Variants in DCAF13 observed in about 807,000 individuals in gnomAD.
DCAF13 encodes the protein DDB1- and CUL4-associated factor 13.
A neutral mutation model predicts 59.0 loss-of-function variants in DCAF13; 38 were observed. The ratio of observed to expected loss-of-function variants is 0.64; its 90% CI spans 0.50 to 0.84. The LOEUF is 0.84. DCAF13 is among the 40% of genes least tolerant of loss of function. The pLI is 0.00. For missense variants in DCAF13, 469 were observed against 558.4 expected, an observed-to-expected ratio of 0.84 and a Z score of 1.61; for synonymous variants, 173 against 175.0, an observed-to-expected ratio of 0.99 and a Z score of 0.09.
chr8:103,417,206 G>T (rs1005386639), intron 1 of DCAF13, among the ~76,000 whole-genome samples: 13 of 152,114 alleles, frequency 8.5e-5, no homozygotes, highest in African/African-American at 2.9e-4. Context: ...TATGCAACCC[G>T]TCCCGTTAAT....
intron 9 of DCAF13, 51 bp downstream of exon 9, chr8:103,440,322 TTAGA>T (rs1283249841): frequency 7.2e-7 from 1 of 1,386,332 alleles, no homozygotes; most frequent in African/African-American, 1.7e-5. Flanking sequence ...TCTAATTTTA[TTAGA>T]TATTACATTA....
At chr8:103,438,154 G>A (rs1816959099) in intron 8 of DCAF13, among the ~76,000 whole-genome samples, 1 of 152,234 alleles carries the variant, frequency 6.6e-6, no homozygotes, top group South Asian at 2.1e-4. Context: ...AAACCTGATT[G>A]AATTTCCCTA....
At chr8:103,425,841 C>T (rs1012401325) in intron 3 of DCAF13, among the ~76,000 whole-genome samples, 14 of 151,992 alleles carry the variant, frequency 9.2e-5, no homozygotes, top group Admixed American at 5.2e-4. Flanking sequence ...TTTTCTTTTG[C>T]TCTACTCATT....
chr8:103,442,616 C>A, intron 10 of DCAF13, 179 bp from the exon 11 acceptor site: 1 of 455,796 alleles, frequency 2.2e-6, no homozygotes, highest in East Asian at 3.5e-5. Context: ...TGATAAGAAG[C>A]AATTAAATAA....
chr8:103,418,864 ATATTTTTTTTTTTTTTTTTTT>A (rs1470920306), intron 1 of DCAF13, among the ~76,000 whole-genome samples: 2 of 27,950 alleles, frequency 7.2e-5, no homozygotes, highest in Non-Finnish European at 1.1e-4. Context: ...ATATATATAT[ATATTTTTTTTTTTTTTTTTTT>A]TTTTTTTTTT....
At chr8:103,439,048 C>T (rs1309435361) in intron 8 of DCAF13, among the ~76,000 whole-genome samples, 2 of 152,070 alleles carry the variant, frequency 1.3e-5, no homozygotes, top group Non-Finnish European at 2.9e-5. Context: ...TGCTCTGTTG[C>T]CCAGGCTGGA....
chr8:103,443,246 T>C lies in DCAF13; in HGVS notation c.*364T>C, dbSNP rs957273961. On this transcript the variant is annotated 3_prime_UTR_variant, in exon 11 of 11. Transcript: ENST00000612750. ...TTATCTTTAATATTACTTTGAATAATGATTGCAATGATGTTTCTTCCTGTG... is the reference window on the plus strand; with the variant it reads ...TTATCTTTAATATTACTTTGAATAACGATTGCAATGATGTTTCTTCCTGTG... 2 of 155,438 alleles carry C rather than the reference T, an allele frequency of 1.3e-5. No homozygotes were observed. The highest frequency in any genetic ancestry group is 1.3e-4 in the Admixed American group (2 of 15,380). The allele number at this position is 155,438 out of a possible 1,614,324, so 9.6% of individuals were successfully genotyped here.
At chr8:103,418,189 G>C (rs1172663404) in intron 1 of DCAF13, among the ~76,000 whole-genome samples, 4 of 151,984 alleles carry the variant, frequency 2.6e-5, no homozygotes, top group Admixed American at 2.0e-4. Context: ...ATCAAGTAGG[G>C]ATGATATTAA....
At chr8:103,430,721 A>C in intron 6 of DCAF13, 32 bp downstream of exon 6, 1 of 1,481,916 alleles carries the variant, frequency 6.7e-7, no homozygotes, top group Non-Finnish European at 9.3e-7. Context: ...TGCTTTATAC[A>C]GTTGGCATTA....
chr8:103,421,250 TC>T (rs1324066735), intron 3 of DCAF13, 168 bp downstream of exon 3: 1 of 689,196 alleles, frequency 1.5e-6, no homozygotes, highest in South Asian at 1.6e-5. Flanking sequence ...TTTATATAAT[TC>T]AGCCTTCCCC....
rs914273621 is a variant in DCAF13, at chr8:103,427,221, G to A, written c.593G>A (p.Ser198Asn). ...TGTTCAATGACCTGGGGATTTGACA[G>A]TATAAGTAGTGTTAAATTTAACCCA... ...PICSMTWGFD[S>N]ISSVKFNPIE... Residue 198 changes from serine to asparagine, a missense_variant, in exon 5 of 11, where the codon AGT becomes AAT. Around this residue, in one of 3 missense-constraint regions of DCAF13, gnomAD observed 355 missense variants for 399.1 expected, o/e 0.89. Coordinates refer to ENST00000612750, the MANE Select transcript of DCAF13 (RefSeq NM_015420.7). The A allele has an allele frequency of 1.2e-6, 2 of 1,612,792 alleles. No homozygotes were observed. Among genetic ancestry groups the A allele is most frequent in the Non-Finnish European group, 1.7e-6 (2 of 1,179,176 alleles).
intron 8 of DCAF13, among the ~76,000 whole-genome samples, chr8:103,438,041 C>G (rs1170486921): frequency 1.3e-5 from 2 of 152,136 alleles, no homozygotes; most frequent in African/African-American, 4.8e-5. Flanking sequence ...AAGTTAAGAA[C>G]TCAGCATAGT....
intron 5 of DCAF13, 55 bp from the exon 6 acceptor site, chr8:103,430,557 T>C (rs1816849523): frequency 8.6e-7 from 1 of 1,169,560 alleles, no homozygotes. Flanking sequence ...ACTGAATGGA[T>C]GTGGTTTGCT....
chr8:103,426,293 T>C (rs1816792157), intron 4 of DCAF13, 148 bp downstream of exon 4: 4 of 509,000 alleles, frequency 7.9e-6, no homozygotes, highest in South Asian at 6.6e-5. Context: ...TTACGCAATA[T>C]TTAATGCAGC....
chr8:103,426,572 T>A (rs1350826420), intron 4 of DCAF13, among the ~76,000 whole-genome samples: 2 of 152,150 alleles, frequency 1.3e-5, no homozygotes, highest in Admixed American at 6.5e-5. Flanking sequence ...GTATAAATCT[T>A]ATTAATGTTT....
chr8:103,426,276 G>C, intron 4 of DCAF13, 131 bp downstream of exon 4: 1 of 538,926 alleles, frequency 1.9e-6, no homozygotes, highest in East Asian at 3.2e-5. Flanking sequence ...TGTAATTGTT[G>C]ACCCATTTAC....
intron 8 of DCAF13, among the ~76,000 whole-genome samples, chr8:103,437,958 A>G (rs907182064): frequency 6.6e-6 from 1 of 152,160 alleles, no homozygotes; most frequent in African/African-American, 2.4e-5. Context: ...TTAAAAATGT[A>G]TTTATCTCCT....
intron 7 of DCAF13, among the ~76,000 whole-genome samples, chr8:103,433,201 A>G (rs910248418): frequency 1.3e-5 from 2 of 152,138 alleles, no homozygotes; most frequent in East Asian, 1.9e-4. Flanking sequence ...TGAACCATAC[A>G]TGTTTTAATG....
intron 8 of DCAF13, chr8:103,439,928 T>C (rs1267351632): frequency 1.2e-5 from 4 of 335,710 alleles, no homozygotes; most frequent in Admixed American, 4.8e-5. Flanking sequence ...GATAGTAAGT[T>C]CTCTGAGAGC....
Sources: allele counts gnomAD v4.1 joint callset (sites outside exome capture counted in the v4.1 genomes callset), GRCh38; gene constraint gnomAD v4.1.1; regional missense constraint gnomAD v4.1.1; transcripts MANE v1.5; gene names NCBI Gene and HGNC (gene_info 2026-07-23, HGNC 2026-07-21).